CDHR1: variants seen among roughly 807,000 people sequenced by gnomAD.
CDHR1 encodes the protein cadherin-related family member 1.
Under a neutral mutation model 72.1 loss-of-function variants are expected in CDHR1, and 61 were observed. The observed-to-expected ratio is 0.85, with a 90% CI of 0.69 to 1.05. CDHR1 has a LOEUF of 1.05. CDHR1 is among the 50% of genes least tolerant of loss of function. CDHR1 has a pLI of 0.00. For missense variants in CDHR1, 1,186 were observed against 1,115.7 expected, an observed-to-expected ratio of 1.06 and a Z score of -0.90; for synonymous variants, 470 against 448.1, an observed-to-expected ratio of 1.05 and a Z score of -0.62.
chr10:84,215,303 C>G lies in CDHR1; in HGVS notation c.*682C>G. 16 of 987,438 alleles carry G rather than the reference C, an allele frequency of 1.6e-5. No individual in the cohort carries two copies. The highest frequency in any genetic ancestry group is 1.9e-5 in the Non-Finnish European group (16 of 831,310). 61.2% of individuals were successfully genotyped at this position (987,438 alleles called of 1,614,324 possible). On this transcript the variant is annotated 3_prime_UTR_variant, in exon 17 of 17. Coordinates refer to ENST00000623527, the MANE Select transcript of CDHR1 (RefSeq NM_033100.4). Reference sequence around the variant, plus strand: ...ACACAGAGGTGGAAGATTGATCTTGCCAAGAGTGAGGGCAGATGTCTCCAG... The same window carrying G: ...ACACAGAGGTGGAAGATTGATCTTGGCAAGAGTGAGGGCAGATGTCTCCAG...
Position 84,217,836 on chromosome 10 carries a change from G to T in CDHR1, c.*3215G>T. 2.0e-6 allele frequency: 2 copies of T among 985,424 alleles called. No individual in the cohort carries two copies. 61.0% of individuals were successfully genotyped at this position (985,424 alleles called of 1,614,324 possible). Reference sequence around the variant, plus strand: ...CACAGCATCTGTGGCCTGTGTAGCCGGCAGCCTGCATTTGGGCGTTGACAT... The same window carrying T: ...CACAGCATCTGTGGCCTGTGTAGCCTGCAGCCTGCATTTGGGCGTTGACAT... On this transcript the variant is annotated 3_prime_UTR_variant, in exon 17 of 17. Transcript: ENST00000623527.
chr10:84,213,157 G>A lies in CDHR1; in HGVS notation c.1849G>A (p.Ala617Thr), dbSNP rs141250715. Residue 617 changes from alanine (A) to threonine (T), a missense_variant, in exon 16 of 17, where the codon GCC (alanine) becomes ACC (threonine). Physicochemically the swap from Ala to Thr is moderately conservative, Grantham distance 58. Coordinates refer to ENST00000623527, the MANE Select transcript of CDHR1 (RefSeq NM_033100.4). ...CTATTCCATCACCCATGCAGAGCCC[G>A]CCAACGTGTTCGACATCAATTCCCA... ...VDYSITHAEP[A>T]NVFDINSHTG... 6.9e-4 allele frequency: 1,113 copies of A among 1,614,188 alleles called. No homozygotes were observed. The highest frequency in any genetic ancestry group is 1.1e-3 in the Admixed American group (65 of 60,020).
chr10:84,205,923 T>C lies in CDHR1; in HGVS notation c.959T>C (p.Val320Ala), dbSNP rs1036334358. The C allele has an allele frequency of 1.2e-6, 2 of 1,612,384 alleles. No individual in the cohort carries two copies. The highest frequency in any genetic ancestry group is 2.7e-5 in the African/African-American group (2 of 75,034). Reference sequence around the variant, plus strand: ...CAGAGAGAGGTGTATGAGCTGCATGTACAGGTACCCTCCCTCTAGCTTTGT... The same window carrying C: ...CAGAGAGAGGTGTATGAGCTGCATGCACAGGTACCCTCCCTCTAGCTTTGT... Reference protein sequence around the residue: ...QLQREVYELHVQVTEMSPAGS... With the variant: ...QLQREVYELHAQVTEMSPAGS... The change falls in exon 10 of 17, where the codon GTA (valine) becomes GCA (alanine). Residue 320 changes from valine (V) to alanine (A), a missense_variant. Val to Ala is a moderately conservative substitution (Grantham distance 64). Transcript: ENST00000623527.
At position 84,197,812 on chromosome 10, in the gene CDHR1, C is replaced by T. The variant is rs1346332633; in HGVS notation, c.324C>T (p.Ile108=). 2.5e-6 allele frequency: 4 copies of T among 1,613,924 alleles called. No homozygotes were observed. Among genetic ancestry groups the T allele is most frequent in the Non-Finnish European group, 3.4e-6 (4 of 1,179,946 alleles). Residue 108 remains isoleucine (I), a synonymous_variant, in exon 4 of 17, where the codon ATC becomes ATT. Coordinates refer to ENST00000623527, the MANE Select transcript of CDHR1 (RefSeq NM_033100.4). ...GGGAAGATGAGATTGAAGCCATCAT[C>T]AGCATTTCTGATGGCCTGAATCTGG... is the stretch of plus-strand genomic sequence containing the variant. The part of the protein sequence containing the change: ...REREDEIEAI[I]SISDGLNLVA...
In CDHR1 at chr10:84,217,996, G is replaced by A; in HGVS notation, c.*3375G>A. Reference sequence around the variant, plus strand: ...AGCCACCATGCTCTGCTTCTCTAAGGATTTCGGTGATTCTATTTTTAGGGA... The same window carrying A: ...AGCCACCATGCTCTGCTTCTCTAAGAATTTCGGTGATTCTATTTTTAGGGA... On this transcript the variant is annotated 3_prime_UTR_variant, in exon 17 of 17. Transcript: ENST00000623527. 2 of 985,484 alleles carry A rather than the reference G, an allele frequency of 2.0e-6. No homozygotes were observed. The highest frequency in any genetic ancestry group is 2.4e-6 in the Non-Finnish European group (2 of 829,952). 61.0% of individuals were successfully genotyped at this position (985,484 alleles called of 1,614,324 possible).
At position 84,213,346 on chromosome 10, in the gene CDHR1, G is replaced by T; in HGVS notation, c.2038G>T (p.Glu680Ter). ...ALLKIDITDA[E>*]TLSRSPMAAF... ...ACTCAAGATTGACATCACAGATGCT[G>T]AGGTGAGTACAAAGCCATGGTCAGG... The change falls in exon 16 of 17, where the codon GAG (glutamate) becomes TAG (stop). Residue 680 changes from glutamate to a stop codon, truncating the protein, a stop_gained and splice_region_variant. Transcript: ENST00000623527. LOFTEE classifies it low-confidence loss of function (END_TRUNC). 1.9e-6 allele frequency: 3 copies of T among 1,614,154 alleles called. No homozygotes were observed. Among genetic ancestry groups the T allele is most frequent in the Non-Finnish European group, 2.5e-6 (3 of 1,180,044 alleles).
rs143662988 is a variant in CDHR1, at chr10:84,212,219, C to G, written c.1594C>G (p.Pro532Ala). The G allele has an allele frequency of 1.1e-4, 180 of 1,614,118 alleles. No individual in the cohort carries two copies. The highest frequency in any genetic ancestry group is 1.4e-4 in the Non-Finnish European group (169 of 1,180,050). Residue 532 changes from proline (P) to alanine (A), a missense_variant, in exon 15 of 17, where the codon CCC becomes GCC. Physicochemically the swap from Pro to Ala is conservative, Grantham distance 27. Transcript: ENST00000623527. ...HPSTGLIYTQ[P>A]WASLDAEATA... ...ATCCACTGGGCTTATCTACACCCAG[C>G]CCTGGGCTAGCCTGGACGCTGAGGC...
intron 5 of CDHR1, 59 bp from the exon 6 acceptor site, chr10:84,200,542 G>C: frequency 1.7e-6 from 2 of 1,198,222 alleles, no homozygotes; most frequent in Non-Finnish European, 2.4e-6. Context: ...CTATGCCTCT[G>C]TCCCCCTGAG....
Position 84,215,036 on chromosome 10 carries a change from C to A in CDHR1, c.*415C>A. 1 of 1,082,598 alleles carries A rather than the reference C, an allele frequency of 9.2e-7. No homozygotes were observed. Among genetic ancestry groups the A allele is most frequent in the Non-Finnish European group, 1.1e-6 (1 of 888,436 alleles). 67.1% of individuals were successfully genotyped at this position (1,082,598 alleles called of 1,614,324 possible). A position where few individuals can be genotyped will look rare whatever the true frequency, so the allele number is the denominator to read the frequency against. On this transcript the variant is annotated 3_prime_UTR_variant, in exon 17 of 17. Transcript: ENST00000623527. ...CCCTGGCCACGTGGAGCAACACTGA[C>A]TAGAATCTGGATCCTGACGCCTGCA...
chr10:84,211,700 GGACTGGGGCAGACCTGTAAGTAGATCCA>G lies in CDHR1; in HGVS notation c.1541_1553+15del. 6.2e-7 allele frequency: 1 copy of G among 1,614,064 alleles called. No individual in the cohort carries two copies. The highest frequency in any genetic ancestry group is 8.5e-7 in the Non-Finnish European group (1 of 1,179,892). The stretch of plus-strand genomic sequence containing the variant: ...GGCGAAGTGAAATATTCCACCTATG[GGACTGGGGCAGACCTGTAAGTAGATCCA>G]GAATCCAGGACAGGGCCTTGGGCAA... On this transcript the variant is annotated splice_donor_variant and splice_donor_5th_base_variant and coding_sequence_variant and intron_variant, in exon 14 of 17. Coordinates refer to ENST00000623527, the MANE Select transcript of CDHR1 (RefSeq NM_033100.4). LOFTEE classifies it high-confidence loss of function.
chr10:84,201,101 CT>C (rs1842116916), intron 6 of CDHR1, among the ~76,000 whole-genome samples: 1 of 152,226 alleles, frequency 6.6e-6, no homozygotes, highest in Admixed American at 6.5e-5. Flanking sequence ...TGCACGGGTG[CT>C]GGAGAAACCC....
rs373978786 is a variant in CDHR1 at position 84,208,780 on chromosome 10, C to A, written c.1219C>A (p.Arg407=). ...LQLVGPRGIF[R]VVPQTVLNEA... is the part of the protein sequence containing the mutation. Reference sequence around the variant, plus strand: ...GCTGGTGGGACCCAGGGGCATCTTCCGAGTGGTTCCACAGACAGTCCTGAA... The same window carrying A: ...GCTGGTGGGACCCAGGGGCATCTTCAGAGTGGTTCCACAGACAGTCCTGAA... The change falls in exon 12 of 17, where the codon CGA becomes AGA. Residue 407 remains arginine (R), a synonymous_variant. Coordinates refer to ENST00000623527, the MANE Select transcript of CDHR1 (RefSeq NM_033100.4). 4 of 1,614,158 alleles carry A rather than the reference C, an allele frequency of 2.5e-6. No homozygotes were observed. Among genetic ancestry groups the A allele is most frequent in the Non-Finnish European group, 3.4e-6 (4 of 1,180,004 alleles).
rs1207977328 is a variant in CDHR1, at chr10:84,214,150, T to A, written c.2109T>A (p.Gly703=). Residue 703 remains glycine, a synonymous_variant, in exon 17 of 17, where the codon GGT becomes GGA. Coordinates refer to ENST00000623527, the MANE Select transcript of CDHR1 (RefSeq NM_033100.4). ...AGGACAACCCCATGAAGGCCGTGGG[T>A]GTGCTGGCCGGCACCATGGCCACCG... is the stretch of plus-strand genomic sequence containing the variant. ...QTKDNPMKAV[G]VLAGTMATVV... 5.6e-6 allele frequency: 9 copies of A among 1,614,000 alleles called. No individual in the cohort carries two copies. The highest frequency in any genetic ancestry group is 7.6e-6 in the Non-Finnish European group (9 of 1,180,028).
Position 84,213,359 on chromosome 10 carries a change from AG to A in CDHR1, c.2040+12del, listed in dbSNP as rs1200277265. The A allele has an allele frequency of 6.2e-7, 1 of 1,614,114 alleles. No individual in the cohort carries two copies. Reference sequence around the variant, plus strand: ...ATCACAGATGCTGAGGTGAGTACAAAGCCATGGTCAGGAAAAAGGGGTCAGC... The same window carrying A: ...ATCACAGATGCTGAGGTGAGTACAAACCATGGTCAGGAAAAAGGGGTCAGC... On this transcript the variant is annotated intron_variant, in intron 16 of 16. Coordinates refer to ENST00000623527, the MANE Select transcript of CDHR1 (RefSeq NM_033100.4).
chr10:84,201,719 G>T, intron 6 of CDHR1, 88 bp from the exon 7 acceptor site: 2 of 1,062,596 alleles, frequency 1.9e-6, no homozygotes, highest in South Asian at 1.3e-5. Flanking sequence ...ATGAGGGGCA[G>T]TGAGGACCCC....
chr10:84,198,736 G>A (rs763126285), intron 4 of CDHR1, among the ~76,000 whole-genome samples: 2 of 152,232 alleles, frequency 1.3e-5, no homozygotes, highest in African/African-American at 2.4e-5. Context: ...ACCTTGAGGA[G>A]ATCATAAAGT....
At position 84,216,230 on chromosome 10, in the gene CDHR1, A is replaced by G. The variant is rs1029785201; in HGVS notation, c.*1609A>G. 3.0e-6 allele frequency: 3 copies of G among 985,376 alleles called. No homozygotes were observed. The highest frequency in any genetic ancestry group is 3.5e-5 in the African/African-American group (2 of 57,256). The allele number at this position is 985,376 out of a possible 1,614,324, so 61.0% of individuals were successfully genotyped here. On this transcript the variant is annotated 3_prime_UTR_variant, in exon 17 of 17. Coordinates refer to ENST00000623527, the MANE Select transcript of CDHR1 (RefSeq NM_033100.4). ...TGGTGATTTCATTTAAAGAGATTGTATGCATTTGTGGCTTTCCTGATTTCT... is the reference window on the plus strand; with the variant it reads ...TGGTGATTTCATTTAAAGAGATTGTGTGCATTTGTGGCTTTCCTGATTTCT...
At chr10:84,199,210 C>A in intron 5 of CDHR1, 89 bp downstream of exon 5, 1 of 1,041,980 alleles carries the variant, frequency 9.6e-7, no homozygotes, top group Non-Finnish European at 1.5e-6. Flanking sequence ...CCATGGCTCA[C>A]TGCCCTGTGG....
chr10:84,208,995 C>T, intron 12 of CDHR1, 114 bp downstream of exon 12: 5 of 1,145,976 alleles, frequency 4.4e-6, no homozygotes, highest in Non-Finnish European at 6.3e-6. Flanking sequence ...CCTGGCCCTA[C>T]TCTTTTCTTC....
Sources: allele counts gnomAD v4.1 joint callset (sites outside exome capture counted in the v4.1 genomes callset), GRCh38; gene constraint gnomAD v4.1.1; transcripts MANE v1.5; gene names NCBI Gene and HGNC (gene_info 2026-07-23, HGNC 2026-07-21).